ALK: variants seen among roughly 807,000 people sequenced by gnomAD.
ALK encodes the protein ALK tyrosine kinase receptor.
A neutral mutation model predicts 163.1 loss-of-function variants in ALK; 74 were observed. The ratio of observed to expected loss-of-function variants is 0.45; its 90% CI spans 0.38 to 0.55. The LOEUF (loss-of-function observed/expected upper bound fraction) is 0.55. ALK is among the 20% of genes least tolerant of loss of function. The pLI is 0.00. For missense variants in ALK, 2,063 were observed against 2,105.3 expected (o/e 0.98, Z 0.39); for synonymous variants, 960 against 843.2 (o/e 1.14, Z -2.40).
intron 3 of ALK, among the ~76,000 whole-genome samples, chr2:29,665,752 C>T (rs1677495033): frequency 6.6e-6 from 1 of 152,138 alleles, no homozygotes; most frequent in Non-Finnish European, 1.5e-5. Context: ...TTTGCTTCAA[C>T]AGGGCTTCCC....
chr2:29,704,592 G>A (rs544769075), intron 2 of ALK, among the ~76,000 whole-genome samples: 8 of 152,146 alleles, frequency 5.3e-5, no homozygotes, highest in African/African-American at 1.9e-4. Flanking sequence ...AACATATATG[G>A]CTACGTTTCA....
At chr2:29,691,144 TATAAATAACTGAC>T (rs1678383950) in intron 3 of ALK, among the ~76,000 whole-genome samples, 1 of 152,214 alleles carries the variant, frequency 6.6e-6, no homozygotes, top group African/African-American at 2.4e-5. Context: ...AAGGTAGTGT[TATAAATAACTGAC>T]TACAAAAGTG....
At chr2:29,851,530 C>G (rs1330312859) in intron 1 of ALK, among the ~76,000 whole-genome samples, 1 of 152,156 alleles carries the variant, frequency 6.6e-6, no homozygotes, top group African/African-American at 2.4e-5. Context: ...TTCCTGAATG[C>G]CTAGACCAGT....
chr2:29,615,439 T>C (rs1373691683), intron 3 of ALK, among the ~76,000 whole-genome samples: 1 of 152,218 alleles, frequency 6.6e-6, no homozygotes, highest in Admixed American at 6.5e-5. Context: ...GGTTCCCTTG[T>C]TAAAAAATGA....
rs56978633 is a variant in ALK, at chr2:29,672,421, G to A, written c.952+22429C>T. 4.3e-3 allele frequency among the ~76,000 whole-genome samples: 643 copies of A among 149,228 alleles called. 3 individuals carry two copies. The highest frequency in any genetic ancestry group is 0.014 in the African/African-American group (582 of 40,384). ...AATTCCCACCTATGAGTGAGAATAT[G>A]CGGTGTTTGGTTTTTTGTTCTTGCG... On this transcript the variant is annotated intron_variant, in intron 3 of 28. Transcript: ENST00000389048.
rs139382722 is a variant in ALK at position 29,524,082 on chromosome 2, C to T, written c.1154+7833G>A. On this transcript the variant is annotated intron_variant, in intron 4 of 28. Coordinates refer to ENST00000389048, the MANE Select transcript of ALK (RefSeq NM_004304.5). ...GAGAAAATACTTTTCATCTTTTCAT[C>T]GATTGGAGACTCTTCTGTGATCTTG... Among the ~76,000 whole-genome samples the T allele has an allele frequency of 5.9e-5, 9 of 152,110 alleles. No individual in the cohort carries two copies. The East Asian group carries it at 1.4e-3, about 23-fold the overall frequency.
chr2:29,833,362 A>C (rs1043874171), intron 1 of ALK, among the ~76,000 whole-genome samples: 3 of 152,246 alleles, frequency 2.0e-5, no homozygotes, highest in Non-Finnish European at 4.4e-5. Context: ...CTGAACCTGT[A>C]AGACACTGAA....
chr2:29,520,951 G>A (rs1672794725), intron 4 of ALK, among the ~76,000 whole-genome samples: 1 of 152,070 alleles, frequency 6.6e-6, no homozygotes, highest in African/African-American at 2.4e-5. Flanking sequence ...TCCAACATGG[G>A]GCTTCCTGAT....
intron 4 of ALK, among the ~76,000 whole-genome samples, chr2:29,436,682 G>T (rs562594828): frequency 6.6e-6 from 1 of 152,256 alleles, no homozygotes; most frequent in Non-Finnish European, 1.5e-5. Context: ...AGCCCATCAA[G>T]TTTGGCTTTT....
At chr2:29,640,833 T>C (rs2148245346) in intron 3 of ALK, among the ~76,000 whole-genome samples, 1 of 152,236 alleles carries the variant, frequency 6.6e-6, no homozygotes, top group African/African-American at 2.4e-5. Flanking sequence ...GGGGTCCATA[T>C]GGGGTGTTGA....
At chr2:29,398,376 G>C (rs1425065645) in intron 4 of ALK, among the ~76,000 whole-genome samples, 2 of 152,088 alleles carry the variant, frequency 1.3e-5, no homozygotes, top group Admixed American at 6.6e-5. Flanking sequence ...TAAGGGCTCG[G>C]CCATCTCCAA....
chr2:29,292,057 A>G (rs912764769), intron 9 of ALK, among the ~76,000 whole-genome samples: 1 of 152,242 alleles, frequency 6.6e-6, no homozygotes, highest in Non-Finnish European at 1.5e-5. Flanking sequence ...GAAACACACC[A>G]CTTGTCGTTT....
chr2:29,488,321 C>T (rs1000778636), intron 4 of ALK, among the ~76,000 whole-genome samples: 15 of 152,186 alleles, frequency 9.9e-5, no homozygotes, highest in African/African-American at 3.6e-4. Context: ...AGCAGTGTTT[C>T]ATCACACTGT....
chr2:29,318,434 G>T, intron 7 of ALK, 30 bp from the exon 8 acceptor site: 3 of 1,501,940 alleles, frequency 2.0e-6, no homozygotes, highest in South Asian at 1.1e-5. Context: ...TCACAAGCAC[G>T]CCATTATCAG....
At chr2:29,530,408 C>G (rs535707096) in intron 4 of ALK, among the ~76,000 whole-genome samples, 1 of 152,172 alleles carries the variant, frequency 6.6e-6, no homozygotes, top group South Asian at 2.1e-4. Flanking sequence ...TGGGTATTCT[C>G]AGACTCCAAC....
intron 13 of ALK, among the ~76,000 whole-genome samples, chr2:29,238,046 G>T (rs1472930902): frequency 6.6e-6 from 1 of 152,174 alleles, no homozygotes; most frequent in Non-Finnish European, 1.5e-5. Context: ...TGCTGTGTTT[G>T]GGGGTGGGGT....
rs1311181170 is a variant in ALK, at chr2:29,377,336, G to A, written c.1282+6396C>T. The stretch of plus-strand genomic sequence containing the variant: ...CTGAAAATACAAAAATTAGCCAGGC[G>A]TGGTGGCTTGCGCCTGTAATCCCAG... On this transcript the variant is annotated intron_variant, in intron 5 of 28. Transcript: ENST00000389048. Among the ~76,000 whole-genome samples, 13 of 152,190 alleles carry A rather than the reference G, an allele frequency of 8.5e-5. No homozygotes were observed. The East Asian group carries it at 1.9e-3, about 23-fold the overall frequency.
intron 3 of ALK, among the ~76,000 whole-genome samples, chr2:29,617,089 A>G (rs1390398869): frequency 1.3e-5 from 2 of 152,206 alleles, no homozygotes; most frequent in Non-Finnish European, 2.9e-5. Context: ...TTGAAAAGAA[A>G]GCACCTTAGG....
rs536531672 is a variant in ALK, at chr2:29,828,406, G to A, written c.667+91587C>T. ...ACCTACAGAATGGGAGAGAATTTTT[G>A]CATCTACTCATCTGACAGAGGGCTA... is the stretch of plus-strand genomic sequence containing the variant. On this transcript the variant is annotated intron_variant, in intron 1 of 28. Transcript: ENST00000389048. Among the ~76,000 whole-genome samples the A allele has an allele frequency of 6.4e-4, 97 of 152,298 alleles. 1 individual carries two copies. The highest frequency in any genetic ancestry group is 2.2e-3 in the African/African-American group (92 of 41,564).
Sources: gnomAD v4.1 joint callset for allele counts (sites outside exome capture counted in the v4.1 genomes callset) on GRCh38, gnomAD v4.1.1 for gene constraint, MANE v1.5 for transcripts, NCBI Gene and HGNC (gene_info 2026-07-23, HGNC 2026-07-21) for gene names.